The following STOML1 variants were observed in gnomAD, a reference collection of about 807,000 sequenced individuals.
STOML1 encodes the protein stomatin-like protein 1.
In STOML1, 27 loss-of-function variants were observed where a neutral mutation model predicts 35.7. That is an observed-to-expected ratio of 0.76 (90% CI 0.56 to 1.04). STOML1 has a LOEUF of 1.04. STOML1 is among the 50% of genes least tolerant of loss of function. STOML1 has a pLI of 0.00. For synonymous variants in STOML1, 219 were observed against 227.9 expected, an observed-to-expected ratio of 0.96 and a Z score of 0.35; for missense variants, 451 against 527.1, an observed-to-expected ratio of 0.86 and a Z score of 1.41.
upstream of STOML1, among the ~76,000 whole-genome samples, chr15:73,993,919 G>A (rs1190402108): frequency 1.4e-5 from 2 of 146,958 alleles, no homozygotes; most frequent in Admixed American, 6.9e-5. Context: ...CTTTCCAGCT[G>A]TCACTCAAGG....
intron 5 of STOML1, 131 bp downstream of exon 5, chr15:73,985,187 T>TTGGCTCAGTACAAG: frequency 8.6e-7 from 1 of 1,169,196 alleles, no homozygotes; most frequent in Non-Finnish European, 1.2e-6. Flanking sequence ...TCTCACTGCC[T>TTGGCTCAGTACAAG]TGGCTGTGGT....
chr15:73,988,590 G>A lies in STOML1; in HGVS notation c.594+9C>T. On this transcript the variant is annotated intron_variant, in intron 4 of 6. Transcript: ENST00000541638. This position sits in a 1 kb window ranked among gnomAD's most constrained non-coding sequence, Gnocchi z 4.8. Reference sequence around the variant, plus strand: ...CCCCTCAAGCTCCGTCTTGTGAGGGGCTGCCTACCAGAAGCTGGTCGCTGA... The same window carrying A: ...CCCCTCAAGCTCCGTCTTGTGAGGGACTGCCTACCAGAAGCTGGTCGCTGA... 1 of 1,614,062 alleles carries A rather than the reference G, an allele frequency of 6.2e-7. No homozygotes were observed. Among genetic ancestry groups the A allele is most frequent in the Non-Finnish European group, 8.5e-7 (1 of 1,180,024 alleles).
chr15:73,988,693 C>T lies in STOML1; in HGVS notation c.500G>A (p.Arg167His), dbSNP rs774464130. The T allele has an allele frequency of 3.7e-6, 6 of 1,614,076 alleles. No homozygotes were observed. The highest frequency in any genetic ancestry group is 1.3e-5 in the African/African-American group (1 of 74,914). The part of the protein sequence containing the change: ...MTVKDLNTAT[R>H]MTAQNAMTKA... ...GGTCATGGCGTTCTGGGCTGTCATG[C>T]GTGTGGCTGTGTTCAGGTCTTTCAC... Residue 167 changes from arginine (R) to histidine (H), a missense_variant, in exon 4 of 7, where the codon CGC becomes CAC. By Grantham distance (29) the Arg-to-His change is conservative. Transcript: ENST00000541638. This position sits in a 1 kb window ranked among gnomAD's most constrained non-coding sequence, Gnocchi z 4.8.
chr15:73,987,662 CA>C (rs2069139733), intron 4 of STOML1: 2 of 152,220 alleles, frequency 1.3e-5, no homozygotes, highest in African/African-American at 2.4e-5. Context: ...CCATAGCTCT[CA>C]GAGGCAAGTC....
chr15:73,990,727 C>T (rs2069247828), intron 1 of STOML1: 1 of 1,382,578 alleles, frequency 7.2e-7, no homozygotes, highest in Admixed American at 2.0e-5. Flanking sequence ...GCCATTCAAT[C>T]TCAGAATCCA....
At chr15:73,989,328 C>T (rs1274813397) in intron 2 of STOML1, 71 bp from the exon 3 acceptor site, 7 of 1,435,772 alleles carry the variant, frequency 4.9e-6, no homozygotes, top group Non-Finnish European at 6.5e-6. Context: ...TGCCTAGGTC[C>T]CTTCCTCACT....
upstream of STOML1, among the ~76,000 whole-genome samples, chr15:73,994,189 A>C (rs541785199): frequency 1.3e-5 from 2 of 152,218 alleles, no homozygotes; most frequent in Admixed American, 6.5e-5. Context: ...TTTCTCATGA[A>C]TTCCCTCTTA....
intron 4 of STOML1, 24 bp from the exon 5 acceptor site, chr15:73,985,537 T>G: frequency 6.5e-7 from 1 of 1,534,876 alleles, no homozygotes; most frequent in Non-Finnish European, 8.8e-7. Context: ...TGAGGAGAAA[T>G]GTAATTAATT....
rs1275737014 is a variant in STOML1 at position 73,982,110 on chromosome 15, C to A, written c.*1827G>T. 1 of 152,352 alleles carries A rather than the reference C, an allele frequency of 6.6e-6. No homozygotes were observed. 9.4% of individuals were successfully genotyped at this position (152,352 alleles called of 1,614,324 possible). ...GCCTGGGGTTTCCTGGGCAGCCCTTCATATACTGTGTAATAGCAATGGAAG... is the reference window on the plus strand; with the variant it reads ...GCCTGGGGTTTCCTGGGCAGCCCTTAATATACTGTGTAATAGCAATGGAAG... On this transcript the variant is annotated 3_prime_UTR_variant, in exon 7 of 7. Coordinates refer to ENST00000541638, the MANE Select transcript of STOML1 (RefSeq NM_004809.5).
intron 1 of STOML1, chr15:73,991,641 T>G (rs1567109483): frequency 2.2e-6 from 1 of 460,318 alleles, no homozygotes; most frequent in Admixed American, 2.3e-5. Flanking sequence ...CATTTTGGCC[T>G]GCACATCCAG....
At chr15:73,993,555 C>G (rs1002231037), upstream of STOML1, among the ~76,000 whole-genome samples, 4 of 152,166 alleles carry the variant, frequency 2.6e-5, no homozygotes, top group African/African-American at 9.7e-5. Flanking sequence ...GCTCCTGAGG[C>G]CTTACAGTCC....
intron 1 of STOML1, chr15:73,990,794 A>T (rs1359884139): frequency 1.3e-5 from 20 of 1,535,260 alleles, no homozygotes; most frequent in Non-Finnish European, 1.7e-5. Context: ...CTCTCGTTTA[A>T]TTTATATTGC....
Position 73,992,282 on chromosome 15 carries a change from C to T in STOML1, c.-59G>A. The stretch of plus-strand genomic sequence containing the variant: ...CGCGGCGCCCTCCCTGGCCAGTGGG[C>T]CCTACGCGGCCCCGCCCTCCTGGCT... On this transcript the variant is annotated 5_prime_UTR_variant, in exon 1 of 7. Coordinates refer to ENST00000541638, the MANE Select transcript of STOML1 (RefSeq NM_004809.5). 1 of 1,517,580 alleles carries T rather than the reference C, an allele frequency of 6.6e-7. No homozygotes were observed. The highest frequency in any genetic ancestry group is 8.7e-7 in the Non-Finnish European group (1 of 1,143,092). The allele number at this position is 1,517,580 out of a possible 1,614,324, so 94.0% of individuals were successfully genotyped here. A position where few individuals can be genotyped will look rare whatever the true frequency, so the allele number is the denominator to read the frequency against.
chr15:73,990,329 G>A (rs1046043068), intron 2 of STOML1, 22 bp downstream of exon 2: 66 of 1,608,028 alleles, frequency 4.1e-5, no homozygotes, highest in Non-Finnish European at 5.2e-5. Context: ...ACCACCCTGG[G>A]GGCTGACCCA....
intron 5 of STOML1, among the ~76,000 whole-genome samples, chr15:73,985,106 C>T (rs1237401348): frequency 6.6e-6 from 1 of 152,222 alleles, no homozygotes; most frequent in African/African-American, 2.4e-5. Context: ...TTTCCAGCTG[C>T]CCTTCTGGTG....
upstream of STOML1, among the ~76,000 whole-genome samples, chr15:73,992,977 G>A (rs2069333789): frequency 6.6e-6 from 1 of 152,154 alleles, no homozygotes; most frequent in South Asian, 2.1e-4. Context: ...CAGCAAGCAG[G>A]GACTGGCATA....
In STOML1 at chr15:73,989,013, C is replaced by T. The variant is rs1244082039; in HGVS notation, c.390+95G>A. The T allele has an allele frequency of 6.6e-6, 10 of 1,509,460 alleles. No individual in the cohort carries two copies. The East Asian group carries it at 1.4e-4, about 21-fold the overall frequency. 93.5% of individuals were successfully genotyped at this position (1,509,460 alleles called of 1,614,324 possible). A position where few individuals can be genotyped will look rare whatever the true frequency, so the allele number is the denominator to read the frequency against. Reference sequence around the variant, plus strand: ...CTGGTCTCTTCTTCCCCCTTCCCCCCTCAGATGGTGACTCACAGGCTGAGG... The same window carrying T: ...CTGGTCTCTTCTTCCCCCTTCCCCCTTCAGATGGTGACTCACAGGCTGAGG... On this transcript the variant is annotated intron_variant, in intron 3 of 6. Coordinates refer to ENST00000541638, the MANE Select transcript of STOML1 (RefSeq NM_004809.5).
chr15:73,992,428 G>A (rs1254870696), upstream of STOML1: 2 of 463,700 alleles, frequency 4.3e-6, no homozygotes, highest in Non-Finnish European at 7.0e-6. Context: ...CCGAACTGCA[G>A]CCCAGGGCTA....
At chr15:73,985,227 TG>T in intron 5 of STOML1, 90 bp downstream of exon 5, 4 of 1,344,144 alleles carry the variant, frequency 3.0e-6, no homozygotes, top group Non-Finnish European at 4.0e-6. Context: ...GTGCAGGGTG[TG>T]TACTGCACAG....
Sources: gnomAD v4.1 joint callset for allele counts (sites outside exome capture counted in the v4.1 genomes callset) on GRCh38, gnomAD v4.1.1 for gene constraint, Gnocchi (gnomAD v3.1) non-coding constraint, MANE v1.5 for transcripts, NCBI Gene and HGNC (gene_info 2026-07-23, HGNC 2026-07-21) for gene names.